Variants in DGKK observed in about 807,000 individuals in gnomAD.
DGKK encodes the protein diacylglycerol kinase kappa.
A neutral mutation model predicts 92.2 loss-of-function variants in DGKK; 35 were observed. The ratio of observed to expected loss-of-function variants is 0.38; its 90% CI spans 0.29 to 0.50. DGKK has a LOEUF of 0.50. DGKK is among the 20% of genes least tolerant of loss of function. The probability of loss-of-function intolerance (pLI) is 0.92; values close to 1 mark genes in which losing one functional copy is unlikely to be tolerated. For synonymous variants in DGKK, 368 were observed against 360.6 expected, an observed-to-expected ratio of 1.02 and a Z score of -0.23; for missense variants, 910 against 992.2, an observed-to-expected ratio of 0.92 and a Z score of 1.11.
intron 4 of DGKK, among the ~76,000 whole-genome samples, chrX:50,415,977 A>G (rs1418075849): frequency 1.8e-5 from 2 of 112,223 alleles, no homozygotes; most frequent in East Asian, 5.6e-4. Flanking sequence ...GCAGGGGCAG[A>G]TGGCAATGCA....
At chrX:50,414,528 T>G (rs1419210808) in intron 4 of DGKK, among the ~76,000 whole-genome samples, 1 of 111,522 alleles carries the variant, frequency 9.0e-6, no homozygotes, top group African/African-American at 3.3e-5. Flanking sequence ...AAATAGCTCA[T>G]TAATCAGTTT....
chrX:50,394,385 G>T (rs1557225888), intron 8 of DGKK, among the ~76,000 whole-genome samples: 1 of 111,470 alleles, frequency 9.0e-6, no homozygotes, highest in East Asian at 2.8e-4. Context: ...CCCACTCACT[G>T]GCCAGTGGAG....
At chrX:50,396,334 G>T (rs1472371303) in intron 8 of DGKK, among the ~76,000 whole-genome samples, 2 of 111,913 alleles carry the variant, frequency 1.8e-5, no homozygotes, top group African/African-American at 6.5e-5. Flanking sequence ...TGTGAGTGAG[G>T]ATATGGGGGC....
chrX:50,424,019 T>G (rs1298263455), intron 2 of DGKK, among the ~76,000 whole-genome samples: 1 of 111,607 alleles, frequency 9.0e-6, no homozygotes, highest in African/African-American at 3.3e-5. Flanking sequence ...TAGTTGGTTC[T>G]GGGTGCAGAA....
intron 1 of DGKK, among the ~76,000 whole-genome samples, chrX:50,466,850 A>G (rs1787302735): frequency 8.9e-6 from 1 of 111,949 alleles, no homozygotes; most frequent in Non-Finnish European, 1.9e-5. Context: ...AGTTTTGTGC[A>G]TAAAAGCTGT....
chrX:50,429,674 GCA>G (rs1569544840), intron 1 of DGKK, among the ~76,000 whole-genome samples: 34 of 112,466 alleles, frequency 3.0e-4, no homozygotes, highest in African/African-American at 8.1e-4. Flanking sequence ...GGAAGACAGC[GCA>G]AGACTCCGTC....
chrX:50,447,385 T>TATATATATA, intron 1 of DGKK, among the ~76,000 whole-genome samples: 1 of 17,373 alleles, frequency 5.8e-5, no homozygotes, highest in East Asian at 2.3e-3. Flanking sequence ...ATATATATAA[T>TATATATATA]ATATATATAT....
Position 50,462,893 on chromosome X carries a change from T to A in DGKK, c.645+7141A>T, listed in dbSNP as rs1397081439. ...TTTTCCTTTCCTTGCTTTTTTTTTT[T>A]TTTTTTTTTTTTTTTTTTTTTTTAA... On this transcript the variant is annotated intron_variant, in intron 1 of 27. Transcript: ENST00000611977. Among the ~76,000 whole-genome samples the A allele has an allele frequency of 5.0e-5, 3 of 59,997 alleles. No individual in the cohort carries two copies. The Admixed American group carries it at 5.4e-4, about 11-fold the overall frequency. The allele number at this position is 59,997 out of a possible 115,157, so 52.1% of individuals were successfully genotyped here. A position where few individuals can be genotyped will look rare whatever the true frequency, so the allele number is the denominator to read the frequency against.
chrX:50,464,577 A>T (rs1926847112), intron 1 of DGKK, among the ~76,000 whole-genome samples: 1 of 108,929 alleles, frequency 9.2e-6, no homozygotes, highest in African/African-American at 3.4e-5. Flanking sequence ...GTTTTCCTTA[A>T]TTTCTTTTTT....
chrX:50,457,152 C>T (rs1445982060), intron 1 of DGKK, among the ~76,000 whole-genome samples: 1 of 111,669 alleles, frequency 9.0e-6, no homozygotes, highest in Non-Finnish European at 1.9e-5. Context: ...TGATATGCCT[C>T]ACAGACACGA....
chrX:50,470,611 G>T lies in DGKK; in HGVS notation c.68C>A (p.Ser23Tyr). The change falls in exon 1 of 28, where the codon TCT becomes TAT. Residue 23 changes from serine to tyrosine, a missense_variant. By Grantham distance (144) the Ser-to-Tyr change is moderately radical (BLOSUM62 -2). Transcript: ENST00000611977. ...CGGCCAAGGCGGCGGAGGCTCTGGA[G>T]ACTCAGCGGGCTGCTCTCCATCCTG... ...PPQDGEQPAE[S>Y]PEPPPPWPPP... 1 of 1,177,934 alleles carries T rather than the reference G, an allele frequency of 8.5e-7. No homozygotes were observed. The highest frequency in any genetic ancestry group is 1.1e-6 in the Non-Finnish European group (1 of 882,946).
Position 50,470,515 on chromosome X carries a change from G to T in DGKK, c.164C>A (p.Pro55Gln). The change falls in exon 1 of 28, where the codon CCA becomes CAA. Residue 55 changes from proline to glutamine, a missense_variant. Pro to Gln is a moderately conservative substitution (Grantham distance 76, BLOSUM62 -1). Coordinates refer to ENST00000611977, the MANE Select transcript of DGKK (RefSeq NM_001013742.4). The stretch of plus-strand genomic sequence containing the variant: ...TGGAGCAAGCTCTGGACAGGGCTCT[G>T]GTATGGGTTCTGGCGAAGCCTCGGA... ...LLSEASPEPI[P>Q]EPCPELAPGP... The T allele has an allele frequency of 8.3e-7, 1 of 1,212,093 alleles. No homozygotes were observed. The highest frequency in any genetic ancestry group is 1.1e-6 in the Non-Finnish European group (1 of 895,592).
At chrX:50,379,797 C>T (rs1924368906) in intron 19 of DGKK, 63 bp from the exon 20 acceptor site, 1 of 1,008,173 alleles carries the variant, frequency 9.9e-7, no homozygotes, top group African/African-American at 1.9e-5. Context: ...GGAACATTTA[C>T]AGAGATGGGG....
chrX:50,452,373 C>T (rs190016081), intron 1 of DGKK, among the ~76,000 whole-genome samples: 144 of 112,235 alleles, frequency 1.3e-3, no homozygotes, highest in African/African-American at 4.4e-3. Flanking sequence ...AACATTTCTT[C>T]TTTCATATAA....
chrX:50,375,937 G>T, intron 24 of DGKK, 87 bp downstream of exon 24: 1 of 1,078,789 alleles, frequency 9.3e-7, no homozygotes, highest in Non-Finnish European at 1.2e-6. Context: ...CAGTTTCTCC[G>T]TCCAGCCTCC....
At chrX:50,391,640 A>G in intron 10 of DGKK, 64 bp from the exon 11 acceptor site, 1 of 1,134,756 alleles carries the variant, frequency 8.8e-7, no homozygotes, top group East Asian at 3.0e-5. Context: ...CCCATGAAGG[A>G]ACCCAGAGGG....
intron 1 of DGKK, among the ~76,000 whole-genome samples, chrX:50,429,015 A>AG (rs781873201): frequency 8.9e-6 from 1 of 111,883 alleles, no homozygotes; most frequent in African/African-American, 3.2e-5. Flanking sequence ...TGAGGCAAAA[A>AG]TTGGAAGAAG....
At chrX:50,392,020 G>T (rs781952864) in intron 10 of DGKK, among the ~76,000 whole-genome samples, 50 of 103,956 alleles carry the variant, frequency 4.8e-4, no homozygotes, top group African/African-American at 1.7e-3. Context: ...GTGGGTTCAG[G>T]AGGGGAAGGA....
intron 26 of DGKK, among the ~76,000 whole-genome samples, chrX:50,371,325 T>C (rs1411909748): frequency 2.7e-5 from 3 of 112,174 alleles, no homozygotes; most frequent in African/African-American, 9.7e-5. Flanking sequence ...AGGTATTGGC[T>C]GTAAACTGGC....
Sources: allele counts gnomAD v4.1 joint callset (sites outside exome capture counted in the v4.1 genomes callset), GRCh38; gene constraint gnomAD v4.1.1; transcripts MANE v1.5; gene names NCBI Gene and HGNC (gene_info 2026-07-23, HGNC 2026-07-21).